KIRREL3: variants seen among roughly 807,000 people sequenced by gnomAD.
KIRREL3 encodes kirre like nephrin family adhesion molecule 3, also known as kin of IRRE-like protein 3.
Under a neutral mutation model 89.7 loss-of-function variants are expected in KIRREL3, and 36 were observed. The observed-to-expected ratio is 0.40, with a 90% CI of 0.31 to 0.53. The LOEUF (loss-of-function observed/expected upper bound fraction) is 0.53, where lower values mean the gene tolerates loss of function less well. Among genes scored for constraint, KIRREL3 ranks in the 20% least tolerant of loss-of-function variants. The pLI, the probability that KIRREL3 is intolerant of heterozygous loss-of-function variation, is 0.49. For missense variants in KIRREL3, 864 were observed against 1,056.6 expected, an observed-to-expected ratio of 0.82 and a Z score of 2.53; for synonymous variants, 445 against 441.4, an observed-to-expected ratio of 1.01 and a Z score of -0.10.
chr11:126,800,749 T>A (rs749934134), intron 1 of KIRREL3, among the ~76,000 whole-genome samples: 4 of 152,122 alleles, frequency 2.6e-5, no homozygotes, highest in Non-Finnish European at 4.4e-5. Context: ...TACAGCCAGG[T>A]GTGAACTCCA....
intron 1 of KIRREL3, among the ~76,000 whole-genome samples, chr11:126,841,322 C>T (rs1424288548): frequency 6.6e-6 from 1 of 152,160 alleles, no homozygotes; most frequent in African/African-American, 2.4e-5. Flanking sequence ...GTCTGAGCTC[C>T]CTAGGCAGAG....
chr11:126,457,371 G>A (rs1377230290), intron 6 of KIRREL3, among the ~76,000 whole-genome samples: 54 of 21,270 alleles, frequency 2.5e-3, no homozygotes, highest in Non-Finnish European at 4.9e-4. Flanking sequence ...GTGTGTATGC[G>A]TGTATGTGTG....
chr11:126,510,641 T>A (rs1297134112), intron 4 of KIRREL3, among the ~76,000 whole-genome samples: 1 of 152,070 alleles, frequency 6.6e-6, no homozygotes, highest in African/African-American at 2.4e-5. Context: ...AGTAAATCTA[T>A]TGTGCTTCTT....
chr11:126,831,431 C>CTT (rs1282211709), intron 1 of KIRREL3, among the ~76,000 whole-genome samples: 12 of 68,668 alleles, frequency 1.7e-4, no homozygotes, highest in African/African-American at 7.6e-4. Context: ...CTATCTCTCT[C>CTT]TCTTTCTCTC....
intron 5 of KIRREL3, among the ~76,000 whole-genome samples, chr11:126,472,246 C>A (rs1429875779): frequency 6.6e-6 from 1 of 152,142 alleles, no homozygotes; most frequent in Non-Finnish European, 1.5e-5. Context: ...CTGTCTTAGC[C>A]CAGCTGGGCT....
Position 126,653,071 on chromosome 11 carries a change from G to A in KIRREL3, c.56-90159C>T, listed in dbSNP as rs565106128. On this transcript the variant is annotated intron_variant, in intron 1 of 16. Coordinates refer to ENST00000525144, the MANE Select transcript of KIRREL3 (RefSeq NM_032531.4). The surrounding 1 kb of genome is among the most constrained non-coding windows in gnomAD (Gnocchi z 5.4). The stretch of plus-strand genomic sequence containing the variant: ...GTGGGGGAGGGGAAAAAGAGAGCAG[G>A]TATAATAAAGCTTATGCCAGACACC... 3 of 152,306 alleles carry A rather than the reference G, an allele frequency of 2.0e-5. No homozygotes were observed. In the South Asian group the frequency reaches 6.2e-4, roughly 32 times the overall value. The allele number at this position is 152,306 out of a possible 1,614,324, so 9.4% of individuals were successfully genotyped here. A position where few individuals can be genotyped will look rare whatever the true frequency, so the allele number is the denominator to read the frequency against.
intron 1 of KIRREL3, among the ~76,000 whole-genome samples, chr11:126,582,170 T>G (rs1176106380): frequency 6.6e-6 from 1 of 152,190 alleles, no homozygotes; most frequent in Non-Finnish European, 1.5e-5. Flanking sequence ...GTGGAGCCTC[T>G]CTGGGCTTTT....
chr11:126,879,332 G>A lies in KIRREL3; in HGVS notation c.55+121123C>T, dbSNP rs1372041791. Reference sequence around the variant, plus strand: ...CCAGAAAGGATTAATATACACTAACGTGGAATTACTGAACCGTCACACACA... The same window carrying A: ...CCAGAAAGGATTAATATACACTAACATGGAATTACTGAACCGTCACACACA... On this transcript the variant is annotated intron_variant, in intron 1 of 16. Transcript: ENST00000525144. This position sits in a 1 kb window ranked among gnomAD's most constrained non-coding sequence, Gnocchi z 5.4. Among the ~76,000 whole-genome samples, 3 of 152,282 alleles carry A rather than the reference G, an allele frequency of 2.0e-5. No individual in the cohort carries two copies. Among genetic ancestry groups the A allele is most frequent in the East Asian group, 1.9e-4 (1 of 5,180 alleles).
chr11:126,465,081 G>C (rs1331889006), intron 5 of KIRREL3, among the ~76,000 whole-genome samples: 1 of 152,106 alleles, frequency 6.6e-6, no homozygotes, highest in Non-Finnish European at 1.5e-5. Flanking sequence ...GAGTGTGTGT[G>C]GGGGTGCACT....
intron 4 of KIRREL3, among the ~76,000 whole-genome samples, chr11:126,502,911 A>AC (rs1957904918): frequency 6.6e-6 from 1 of 152,190 alleles, no homozygotes; most frequent in Admixed American, 6.5e-5. Context: ...AATAAGATTT[A>AC]CAGGTGGCAA....
Position 126,579,970 on chromosome 11 carries a change from C to T in KIRREL3, c.56-17058G>A, listed in dbSNP as rs907594011. On this transcript the variant is annotated intron_variant, in intron 1 of 16. Coordinates refer to ENST00000525144, the MANE Select transcript of KIRREL3 (RefSeq NM_032531.4). This position sits in a 1 kb window ranked among gnomAD's most constrained non-coding sequence, Gnocchi z 5.3. ...ACGCCATTCTCCTGCCTCAGCCTCC[C>T]GAGTAGCTGGGACTATAGGCGCCCG... 3.2e-4 allele frequency among the ~76,000 whole-genome samples: 49 copies of T among 152,148 alleles called. No individual in the cohort carries two copies. Among genetic ancestry groups the T allele is most frequent in the Admixed American group, 1.8e-3 (28 of 15,284 alleles).
In KIRREL3 at chr11:126,878,548, G is replaced by A. The variant is rs190129519; in HGVS notation, c.55+121907C>T. On this transcript the variant is annotated intron_variant, in intron 1 of 16. Transcript: ENST00000525144. ...ATATATAATTTTTTTCTAACAGTGC[G>A]ATTTTTTAAAGCTCTCTACAAAAAA... Among the ~76,000 whole-genome samples, 118 of 151,680 alleles carry A rather than the reference G, an allele frequency of 7.8e-4. 1 individual carries two copies. The highest frequency in any genetic ancestry group is 2.6e-3 in the African/African-American group (106 of 41,350).
At chr11:126,602,832 G>A (rs982011156) in intron 1 of KIRREL3, among the ~76,000 whole-genome samples, 3 of 152,202 alleles carry the variant, frequency 2.0e-5, no homozygotes, top group African/African-American at 7.2e-5. Context: ...TAAGAAGGGA[G>A]GAGCTTTTCA....
chr11:126,807,843 A>G lies in KIRREL3; in HGVS notation c.55+192612T>C, dbSNP rs1342250678. Among the ~76,000 whole-genome samples the G allele has an allele frequency of 6.6e-6, 1 of 152,208 alleles. No homozygotes were observed. Among genetic ancestry groups the G allele is most frequent in the Non-Finnish European group, 1.5e-5 (1 of 68,036 alleles). On this transcript the variant is annotated intron_variant, in intron 1 of 16. Transcript: ENST00000525144. The surrounding 1 kb of genome is among the most constrained non-coding windows in gnomAD (Gnocchi z 4.3). Reference sequence around the variant, plus strand: ...TACCAGGCACTCTGTTAGGCACTTTACATATATTGTCTCAAATAATAGTCC... The same window carrying G: ...TACCAGGCACTCTGTTAGGCACTTTGCATATATTGTCTCAAATAATAGTCC...
chr11:126,710,372 T>C lies in KIRREL3; in HGVS notation c.56-147460A>G, dbSNP rs1565668412. Among the ~76,000 whole-genome samples, 1 of 152,202 alleles carries C rather than the reference T, an allele frequency of 6.6e-6. No individual in the cohort carries two copies. The highest frequency in any genetic ancestry group is 2.4e-5 in the African/African-American group (1 of 41,462). ...CCATTCTTCCCATTGAGCCCTCTCC[T>C]CTTCCTGTTGAAGTTCAGCGTGGTT... On this transcript the variant is annotated intron_variant, in intron 1 of 16. Coordinates refer to ENST00000525144, the MANE Select transcript of KIRREL3 (RefSeq NM_032531.4). The surrounding 1 kb of genome is among the most constrained non-coding windows in gnomAD (Gnocchi z 4.2).
At chr11:126,707,894 T>C (rs965822409) in intron 1 of KIRREL3, among the ~76,000 whole-genome samples, 1 of 151,966 alleles carries the variant, frequency 6.6e-6, no homozygotes, top group South Asian at 2.1e-4. Flanking sequence ...TTCACCCTTC[T>C]TGCCTCCCTT....
At position 126,802,397 on chromosome 11, in the gene KIRREL3, A is replaced by G. The variant is rs1951064004; in HGVS notation, c.55+198058T>C. Among the ~76,000 whole-genome samples, 1 of 152,192 alleles carries G rather than the reference A, an allele frequency of 6.6e-6. No individual in the cohort carries two copies. ...GGTCTGTGAATAATGGTGATCATTC[A>G]ATGCCATTAATTAAAACATTGATGA... On this transcript the variant is annotated intron_variant, in intron 1 of 16. Coordinates refer to ENST00000525144, the MANE Select transcript of KIRREL3 (RefSeq NM_032531.4). The surrounding 1 kb of genome is among the most constrained non-coding windows in gnomAD (Gnocchi z 5.2).
In KIRREL3 at chr11:126,651,518, A is replaced by G. The variant is rs1303216386; in HGVS notation, c.56-88606T>C. On this transcript the variant is annotated intron_variant, in intron 1 of 16. Transcript: ENST00000525144. The surrounding 1 kb of genome is among the most constrained non-coding windows in gnomAD (Gnocchi z 4.6). ...CTTAGTTATCCTGGAGCCTAACTGGATCTTGGGAATAAATCTCTTATTTTG... is the reference window on the plus strand; with the variant it reads ...CTTAGTTATCCTGGAGCCTAACTGGGTCTTGGGAATAAATCTCTTATTTTG... Among the ~76,000 whole-genome samples the G allele has an allele frequency of 2.0e-5, 3 of 152,186 alleles. No homozygotes were observed. Among genetic ancestry groups the G allele is most frequent in the African/African-American group, 7.2e-5 (3 of 41,440 alleles).
In KIRREL3 at chr11:126,485,054, AG is replaced by A. The variant is rs1957318445; in HGVS notation, c.434-11589del. Among the ~76,000 whole-genome samples, 1 of 152,152 alleles carries A rather than the reference AG, an allele frequency of 6.6e-6. No individual in the cohort carries two copies. The highest frequency in any genetic ancestry group is 1.5e-5 in the Non-Finnish European group (1 of 68,014). ...AGGCTGGTCTCAAACGCCTGACCTC[AG>A]GTGATCCGCCCACCTTAGCCTCCAA... On this transcript the variant is annotated intron_variant, in intron 4 of 16. Coordinates refer to ENST00000525144, the MANE Select transcript of KIRREL3 (RefSeq NM_032531.4). The surrounding 1 kb of genome is among the most constrained non-coding windows in gnomAD (Gnocchi z 5.8).
Sources: gnomAD v4.1 joint callset for allele counts (sites outside exome capture counted in the v4.1 genomes callset) on GRCh38, gnomAD v4.1.1 for gene constraint, Gnocchi (gnomAD v3.1) non-coding constraint, MANE v1.5 for transcripts, NCBI Gene and HGNC (gene_info 2026-07-23, HGNC 2026-07-21) for gene names.